Variants in BCAT1 observed in about 807,000 individuals in gnomAD.
The protein encoded by BCAT1 is branched-chain-amino-acid aminotransferase, cytosolic.
A neutral mutation model predicts 52.4 loss-of-function variants in BCAT1; 48 were observed. That is an observed-to-expected ratio of 0.92 (90% CI 0.73 to 1.16). BCAT1 has a LOEUF of 1.16. Among genes scored for constraint, BCAT1 ranks in the 50% most tolerant of loss-of-function variants. The probability of loss-of-function intolerance (pLI) is 0.00; values close to 1 mark genes in which losing one functional copy is unlikely to be tolerated. For missense variants in BCAT1, 451 were observed against 457.1 expected (o/e 0.99, Z 0.12); for synonymous variants, 167 against 161.3 (o/e 1.04, Z -0.27).
chr12:24,873,473 A>G (rs1942241295), intron 5 of BCAT1, among the ~76,000 whole-genome samples: 1 of 152,208 alleles, frequency 6.6e-6, no homozygotes, highest in Non-Finnish European at 1.5e-5. Context: ...AACAAAGTAC[A>G]TGGATTTAAA....
Position 24,815,655 on chromosome 12 carries a change from T to C in BCAT1, c.*2353A>G, listed in dbSNP as rs1566546134. On this transcript the variant is annotated 3_prime_UTR_variant, in exon 11 of 11. Transcript: ENST00000261192. ...TGTCTTATTACTTAAATGACAATGG[T>C]GGATTGTGTTCTCCTTATCAGGAGA... is the stretch of plus-strand genomic sequence containing the variant. 6.6e-6 allele frequency: 1 copy of C among 152,174 alleles called. No individual in the cohort carries two copies. The highest frequency in any genetic ancestry group is 1.5e-5 in the Non-Finnish European group (1 of 68,032). 9.4% of individuals were successfully genotyped at this position (152,174 alleles called of 1,614,324 possible). A position where few individuals can be genotyped will look rare whatever the true frequency, so the allele number is the denominator to read the frequency against.
At chr12:24,876,254 G>A (rs1175787784) in intron 5 of BCAT1, among the ~76,000 whole-genome samples, 3 of 106,754 alleles carry the variant, frequency 2.8e-5, no homozygotes, top group East Asian at 2.9e-4. Flanking sequence ...GAAGAGGAGG[G>A]AGATGTAAAA....
chr12:24,911,452 C>T (rs1396375553), intron 1 of BCAT1, among the ~76,000 whole-genome samples: 1 of 152,216 alleles, frequency 6.6e-6, no homozygotes, highest in Non-Finnish European at 1.5e-5. Flanking sequence ...AAGTTTGTGA[C>T]AGCGTGGCAG....
rs938492352 is a variant in BCAT1 at position 24,920,525 on chromosome 12, G to A, written c.7-18640C>T. On this transcript the variant is annotated intron_variant, in intron 1 of 10. Coordinates refer to ENST00000261192, the MANE Select transcript of BCAT1 (RefSeq NM_005504.7). ...ACTATACTAAGAGGGGCTGTTTCCC[G>A]AAAAACTCTCAAACCATTTTTCCTC... is the stretch of plus-strand genomic sequence containing the variant. Among the ~76,000 whole-genome samples the A allele has an allele frequency of 2.2e-4, 33 of 152,058 alleles. No homozygotes were observed. The South Asian group carries it at 2.3e-3, about 11-fold the overall frequency.
chr12:24,869,782 C>T (rs1332820279), intron 5 of BCAT1, among the ~76,000 whole-genome samples: 2 of 152,198 alleles, frequency 1.3e-5, no homozygotes, highest in Non-Finnish European at 2.9e-5. Flanking sequence ...GAAAGGTACA[C>T]AAAGGCTTTC....
intron 1 of BCAT1, among the ~76,000 whole-genome samples, chr12:24,913,921 T>C (rs1462472621): frequency 6.6e-6 from 1 of 151,846 alleles, no homozygotes; most frequent in Non-Finnish European, 1.5e-5. Flanking sequence ...TATTTTTAGG[T>C]TTTATGGTTG....
chr12:24,820,508 G>A (rs779379482), intron 10 of BCAT1, among the ~76,000 whole-genome samples: 28 of 152,228 alleles, frequency 1.8e-4, no homozygotes, highest in Non-Finnish European at 2.6e-4. Flanking sequence ...GGACTAGGAT[G>A]TCATTATACT....
intron 1 of BCAT1, among the ~76,000 whole-genome samples, chr12:24,911,337 C>T (rs1474585525): frequency 1.3e-5 from 2 of 152,012 alleles, no homozygotes; most frequent in South Asian, 2.1e-4. Flanking sequence ...TCACACAGAC[C>T]GCCACAAATC....
chr12:24,906,085 G>A (rs1943221379), intron 1 of BCAT1, among the ~76,000 whole-genome samples: 1 of 151,686 alleles, frequency 6.6e-6, no homozygotes, highest in African/African-American at 2.4e-5. Flanking sequence ...GCTACTCACG[G>A]GATTAAGGTG....
In BCAT1 at chr12:24,811,990, A is replaced by T. The variant is rs954487963; in HGVS notation, c.*6018T>A. 2 of 152,288 alleles carry T rather than the reference A, an allele frequency of 1.3e-5. No individual in the cohort carries two copies. Among genetic ancestry groups the T allele is most frequent in the African/African-American group, 4.8e-5 (2 of 41,586 alleles). 9.4% of individuals were successfully genotyped at this position (152,288 alleles called of 1,614,324 possible). A position where few individuals can be genotyped will look rare whatever the true frequency, so the allele number is the denominator to read the frequency against. ...TGAGCCCCAGCTCCATGTATTAGGTAGCTAGGTATATTGTGGGATTATTCC... is the reference window on the plus strand; with the variant it reads ...TGAGCCCCAGCTCCATGTATTAGGTTGCTAGGTATATTGTGGGATTATTCC... On this transcript the variant is annotated 3_prime_UTR_variant, in exon 11 of 11. Transcript: ENST00000261192.
At chr12:24,903,666 A>G (rs1313646749) in intron 1 of BCAT1, 1 of 152,208 alleles carries the variant, frequency 6.6e-6, no homozygotes, top group Non-Finnish European at 1.5e-5. Context: ...AATGCCTTTC[A>G]TCGTTTTCAG....
intron 5 of BCAT1, among the ~76,000 whole-genome samples, chr12:24,858,643 G>A (rs2139505528): frequency 6.6e-6 from 1 of 152,248 alleles, no homozygotes; most frequent in South Asian, 2.1e-4. Context: ...TCCACACCTG[G>A]TACATAATTA....
intron 5 of BCAT1, among the ~76,000 whole-genome samples, chr12:24,869,510 C>T (rs1038285888): frequency 6.6e-6 from 1 of 152,174 alleles, no homozygotes; most frequent in Non-Finnish European, 1.5e-5. Context: ...GGCCTTGGGA[C>T]AAGGACCCCA....
At chr12:24,930,995 C>T (rs947852232) in intron 1 of BCAT1, among the ~76,000 whole-genome samples, 2 of 150,742 alleles carry the variant, frequency 1.3e-5, no homozygotes, top group Non-Finnish European at 2.9e-5. Flanking sequence ...CTCCACCTCC[C>T]AGGTTCTGGT....
intron 3 of BCAT1, among the ~76,000 whole-genome samples, chr12:24,891,301 G>A (rs547540189): frequency 6.6e-6 from 1 of 151,914 alleles, no homozygotes; most frequent in Non-Finnish European, 1.5e-5. Context: ...GTGACCTCTG[G>A]TCATCCTCAC....
At chr12:24,832,015 C>T (rs944151476) in intron 9 of BCAT1, among the ~76,000 whole-genome samples, 10 of 152,164 alleles carry the variant, frequency 6.6e-5, no homozygotes, top group Admixed American at 1.3e-4. Flanking sequence ...GTAAAGTGGT[C>T]TACTTACTAT....
At chr12:24,867,866 A>C (rs756387865) in intron 5 of BCAT1, among the ~76,000 whole-genome samples, 12 of 152,134 alleles carry the variant, frequency 7.9e-5, no homozygotes, top group Non-Finnish European at 1.8e-4. Context: ...GTAGCCGAGC[A>C]TGGTGGCACA....
intron 10 of BCAT1, among the ~76,000 whole-genome samples, chr12:24,820,494 T>G (rs1940068895): frequency 6.6e-6 from 1 of 152,192 alleles, no homozygotes; most frequent in Non-Finnish European, 1.5e-5. Flanking sequence ...AAACATGTCT[T>G]CATGGACTAG....
intron 10 of BCAT1, among the ~76,000 whole-genome samples, chr12:24,828,911 G>A (rs1237543738): frequency 6.6e-6 from 1 of 152,032 alleles, no homozygotes; most frequent in Non-Finnish European, 1.5e-5. Flanking sequence ...GGAGGCTGAG[G>A]CAGAAGAATC....
Sources: allele counts gnomAD v4.1 joint callset (sites outside exome capture counted in the v4.1 genomes callset), GRCh38; gene constraint gnomAD v4.1.1; transcripts MANE v1.5; gene names NCBI Gene and HGNC (gene_info 2026-07-23, HGNC 2026-07-21).